Variants in PLOD1 observed in about 807,000 individuals in gnomAD.
The protein encoded by PLOD1 is procollagen-lysine,2-oxoglutarate 5-dioxygenase 1, also known as lysine hydroxylase.
In PLOD1, 70 loss-of-function variants were observed where a neutral mutation model predicts 94.7. That is an observed-to-expected ratio of 0.74 (90% CI 0.61 to 0.90). The LOEUF (loss-of-function observed/expected upper bound fraction) is 0.90. Ranked by LOEUF, PLOD1 falls within the 40% of genes least tolerant of loss-of-function variation. PLOD1 has a pLI of 0.00. For missense variants in PLOD1, 905 were observed against 972.7 expected, an observed-to-expected ratio of 0.93 and a Z score of 0.93; for synonymous variants, 417 against 400.2, an observed-to-expected ratio of 1.04 and a Z score of -0.50.
chr1:11,967,658 ATT>A (rs1553136726), intron 16 of PLOD1, among the ~76,000 whole-genome samples: 6 of 108,992 alleles, frequency 5.5e-5, no homozygotes, highest in African/African-American at 2.4e-4. Context: ...ATATATATAT[ATT>A]TTTTTTAAAT....
At position 11,957,689 on chromosome 1, in the gene PLOD1, TCTC is replaced by T. The variant is rs1468390735; in HGVS notation, c.742-150_742-148del. Among the ~76,000 whole-genome samples the T allele has an allele frequency of 2.6e-5, 4 of 152,090 alleles. No homozygotes were observed. The highest frequency in any genetic ancestry group is 2.1e-4 in the South Asian group (1 of 4,822). On this transcript the variant is annotated intron_variant, in intron 7 of 18. Transcript: ENST00000196061. This position sits in a 1 kb window ranked among gnomAD's most constrained non-coding sequence, Gnocchi z 4.1. Reference sequence around the variant, plus strand: ...GCCCTCTCTCAGAGCGGCTTGGTGATCTCCTGGGGATGGAGCATTATCTCCAAG... The same window carrying T: ...GCCCTCTCTCAGAGCGGCTTGGTGATCTGGGGATGGAGCATTATCTCCAAG...
At chr1:11,960,486 G>A (rs1171879616) in intron 9 of PLOD1, among the ~76,000 whole-genome samples, 160 bp from the exon 10 acceptor site, 1 of 152,194 alleles carries the variant, frequency 6.6e-6, no homozygotes, top group Non-Finnish European at 1.5e-5. Flanking sequence ...TCCTGGCACA[G>A]GGCTGGCATG....
intron 1 of PLOD1, among the ~76,000 whole-genome samples, chr1:11,945,425 CA>C (rs58172342): frequency 6.2e-5 from 9 of 144,940 alleles, no homozygotes; most frequent in Admixed American, 6.9e-5. Context: ...GATTGGGTCT[CA>C]AAAAAAAAAA....
In PLOD1 at chr1:11,958,624, A is replaced by C. The variant is rs1645756499; in HGVS notation, c.952A>C (p.Met318Leu). Residue 318 changes from methionine to leucine, a missense_variant, in exon 9 of 19, where the codon ATG becomes CTG. Physicochemically the swap from Met to Leu is conservative, Grantham distance 15. Transcript: ENST00000196061. This position sits in a 1 kb window ranked among gnomAD's most constrained non-coding sequence, Gnocchi z 4.3. ...GCGGCTCCACTACCCCCAGAAACAC[A>C]TGCGACTTTTCATCCACAACCACGT... is the stretch of plus-strand genomic sequence containing the variant. ...LLRLHYPQKH[M>L]RLFIHNHEQH... 1 of 1,614,060 alleles carries C rather than the reference A, an allele frequency of 6.2e-7. No homozygotes were observed. The highest frequency in any genetic ancestry group is 1.1e-5 in the South Asian group (1 of 91,056).
chr1:11,956,736 C>CACCCCATG (rs1645740467), intron 6 of PLOD1, among the ~76,000 whole-genome samples, 181 bp from the exon 7 acceptor site: 1 of 152,184 alleles, frequency 6.6e-6, no homozygotes, highest in South Asian at 2.1e-4. Context: ...TCCTCCCCCT[C>CACCCCATG]ACCCCATGAA....
intron 16 of PLOD1, among the ~76,000 whole-genome samples, chr1:11,969,282 C>G (rs1645844589): frequency 6.6e-6 from 1 of 152,172 alleles, no homozygotes. Flanking sequence ...AGCCACCGTG[C>G]CTGGCCTCAT....
intron 1 of PLOD1, 68 bp from the exon 2 acceptor site, chr1:11,947,908 C>A: frequency 9.8e-7 from 1 of 1,023,124 alleles, no homozygotes; most frequent in Admixed American, 1.7e-5. Context: ...TCACTGGGAA[C>A]AAAGACCTCC....
chr1:11,952,593 G>A (rs778737415), intron 4 of PLOD1, 30 bp from the exon 5 acceptor site: 58 of 1,531,190 alleles, frequency 3.8e-5, no homozygotes, highest in East Asian at 2.5e-4. Context: ...CTAAGGGTCC[G>A]TCTTGGTGTC....
rs1645869545 is a variant in PLOD1, at chr1:11,972,165, T to C, written c.1903-707T>C. The C allele has an allele frequency of 6.5e-6, 1 of 153,152 alleles. No homozygotes were observed. Among genetic ancestry groups the C allele is most frequent in the Non-Finnish European group, 1.5e-5 (1 of 68,434 alleles). 9.5% of individuals were successfully genotyped at this position (153,152 alleles called of 1,614,324 possible). On this transcript the variant is annotated intron_variant, in intron 17 of 18. Coordinates refer to ENST00000196061, the MANE Select transcript of PLOD1 (RefSeq NM_000302.4). The surrounding 1 kb of genome is among the most constrained non-coding windows in gnomAD (Gnocchi z 4.6). ...TGGATGCCCCCCTTTGTCTTTGTCTTTTCATTCATTCCTTCGTTCCTTTCT... is the reference window on the plus strand; with the variant it reads ...TGGATGCCCCCCTTTGTCTTTGTCTCTTCATTCATTCCTTCGTTCCTTTCT...
chr1:11,970,566 TG>T lies in PLOD1; in HGVS notation c.1756-103del, dbSNP rs1645854242. ...CTGCAAAGCCTGTTCAGTTTTGTCA[TG>T]TAATGTGGTCCGGTCACATTCCCGG... On this transcript the variant is annotated intron_variant, in intron 16 of 18. Coordinates refer to ENST00000196061, the MANE Select transcript of PLOD1 (RefSeq NM_000302.4). 4 of 1,044,732 alleles carry T rather than the reference TG, an allele frequency of 3.8e-6. No homozygotes were observed. In the African/African-American group the frequency reaches 4.7e-5, roughly 12 times the overall value. The allele number at this position is 1,044,732 out of a possible 1,614,324, so 64.7% of individuals were successfully genotyped here.
chr1:11,965,401 G>GC, intron 13 of PLOD1, 79 bp from the exon 14 acceptor site: 1 of 851,428 alleles, frequency 1.2e-6, no homozygotes, highest in South Asian at 1.4e-5. Context: ...ACTGTTGCCC[G>GC]TCTGGGAGCG....
At chr1:11,967,597 G>GTGTATATATA (rs1391982281) in intron 16 of PLOD1, among the ~76,000 whole-genome samples, 1 of 59,776 alleles carries the variant, frequency 1.7e-5, no homozygotes, top group African/African-American at 6.7e-5. Flanking sequence ...GTGTGTGTGT[G>GTGTATATATA]TATATATATA....
rs769217332 is a variant in PLOD1, at chr1:11,960,732, G to A, written c.1062G>A (p.Val354=). 1 of 1,613,422 alleles carries A rather than the reference G, an allele frequency of 6.2e-7. No homozygotes were observed. The highest frequency in any genetic ancestry group is 1.3e-5 in the African/African-American group (1 of 74,904). ...CTGTGAAGCTGGTGGGCCCTGAGGT[G>A]CGGATGGCGAATGCAGATGCCAGGA... ...YQSVKLVGPE[V]RMANADARNM... Residue 354 remains valine, a synonymous_variant, in exon 10 of 19, where the codon GTG becomes GTA. Coordinates refer to ENST00000196061, the MANE Select transcript of PLOD1 (RefSeq NM_000302.4).
chr1:11,947,114 C>A (rs768800851), intron 1 of PLOD1, among the ~76,000 whole-genome samples: 1 of 151,684 alleles, frequency 6.6e-6, no homozygotes. Flanking sequence ...ATTAAAAATA[C>A]AAAAATTAGC....
In PLOD1 at chr1:11,958,789, A is replaced by G. The variant is rs1344369888; in HGVS notation, c.975+142A>G. On this transcript the variant is annotated intron_variant, in intron 9 of 18. Coordinates refer to ENST00000196061, the MANE Select transcript of PLOD1 (RefSeq NM_000302.4). This position sits in a 1 kb window ranked among gnomAD's most constrained non-coding sequence, Gnocchi z 4.3. ...CAATCACCAGTGGACTGTGTCCCCA[A>G]ATCACTGAGTTAACTTTGGAGTCAG... 9 of 964,814 alleles carry G rather than the reference A, an allele frequency of 9.3e-6. No homozygotes were observed. In the Middle Eastern group the frequency reaches 8.2e-4, roughly 88 times the overall value. The allele number at this position is 964,814 out of a possible 1,614,324, so 59.8% of individuals were successfully genotyped here.
Position 11,934,768 on chromosome 1 carries a change from CA to C in PLOD1, c.-11del. The C allele has an allele frequency of 1.3e-6, 2 of 1,534,582 alleles. No homozygotes were observed. Among genetic ancestry groups the C allele is most frequent in the Non-Finnish European group, 1.7e-6 (2 of 1,144,226 alleles). ...GCCGCCGGGTCGGCCGATCGTCCCC[CA>C]TACCTCGGCCATGCGGCCCCTGCTG... On this transcript the variant is annotated 5_prime_UTR_variant, in exon 1 of 19. Coordinates refer to ENST00000196061, the MANE Select transcript of PLOD1 (RefSeq NM_000302.4).
intron 1 of PLOD1, among the ~76,000 whole-genome samples, 186 bp from the exon 2 acceptor site, chr1:11,947,790 A>G (rs567192712): frequency 1.3e-5 from 2 of 152,290 alleles, no homozygotes; most frequent in Non-Finnish European, 1.5e-5. Context: ...GGAGCCCTGG[A>G]GGAGACTCAG....
intron 1 of PLOD1, among the ~76,000 whole-genome samples, chr1:11,936,324 C>T (rs1002574286): frequency 1.3e-5 from 2 of 151,756 alleles, no homozygotes; most frequent in Non-Finnish European, 2.9e-5. Flanking sequence ...CCAGCCCTCC[C>T]TGGCATGGGC....
At chr1:11,974,580 A>C in intron 18 of PLOD1, 73 bp from the exon 19 acceptor site, 66 of 1,432,022 alleles carry the variant, frequency 4.6e-5, no homozygotes, top group Non-Finnish European at 5.9e-5. Flanking sequence ...TGGCCATGAC[A>C]GGAGATCATG....
Sources: gnomAD v4.1 joint callset for allele counts (sites outside exome capture counted in the v4.1 genomes callset) on GRCh38, gnomAD v4.1.1 for gene constraint, Gnocchi (gnomAD v3.1) non-coding constraint, MANE v1.5 for transcripts, NCBI Gene and HGNC (gene_info 2026-07-23, HGNC 2026-07-21) for gene names.